Variants in MYO10 observed in about 807,000 individuals in gnomAD.
MYO10 encodes unconventional myosin-X.
In MYO10, 133 loss-of-function variants were observed where a neutral mutation model predicts 257.3. The ratio of observed to expected loss-of-function variants is 0.52; its 90% CI spans 0.45 to 0.60. MYO10 has a LOEUF of 0.60. Ranked by LOEUF, MYO10 falls within the 20% of genes least tolerant of loss-of-function variation. The pLI is 0.00. For missense variants in MYO10, 2,399 were observed against 2,635.7 expected, an observed-to-expected ratio of 0.91 and a Z score of 1.97; for synonymous variants, 1,104 against 1,028.6, an observed-to-expected ratio of 1.07 and a Z score of -1.40.
chr5:16,857,084 G>A lies in MYO10; in HGVS notation c.120+20525C>T, dbSNP rs114658536. On this transcript the variant is annotated intron_variant, in intron 2 of 40. Coordinates refer to ENST00000513610, the MANE Select transcript of MYO10 (RefSeq NM_012334.3). ...AGGTTAGTATATGCACAATCAACTC[G>A]CTTTCTGAAATACTTCGAGGAGGAG... is the stretch of plus-strand genomic sequence containing the variant. Among the ~76,000 whole-genome samples the A allele has an allele frequency of 3.3e-3, 497 of 152,228 alleles. 4 individuals carry two copies. Among genetic ancestry groups the A allele is most frequent in the African/African-American group, 0.011 (467 of 41,536 alleles).
At chr5:16,755,820 A>G (rs1416189018) in intron 18 of MYO10, among the ~76,000 whole-genome samples, 1 of 149,434 alleles carries the variant, frequency 6.7e-6, no homozygotes, top group Non-Finnish European at 1.5e-5. Context: ...GGCTAATCTC[A>G]TTTCGCCTGA....
intron 37 of MYO10, among the ~76,000 whole-genome samples, chr5:16,672,294 C>CAA (rs10684695): frequency 9.8e-5 from 12 of 122,268 alleles, no homozygotes; most frequent in African/African-American, 1.6e-4. Flanking sequence ...GACTCCATCT[C>CAA]AAAAAAAAAA....
At position 16,676,049 on chromosome 5, in the gene MYO10, C is replaced by T. The variant is rs753352020; in HGVS notation, c.4648G>A (p.Gly1550Arg). 14 of 1,609,712 alleles carry T rather than the reference C, an allele frequency of 8.7e-6. No individual in the cohort carries two copies. Among genetic ancestry groups the T allele is most frequent in the Non-Finnish European group, 1.1e-5 (13 of 1,178,600 alleles). The stretch of plus-strand genomic sequence containing the variant: ...GACTTACAGTTGAGATTTATGTCCC[C>T]ATACGGAAGGGGCAGGAGCGGGGAG... The part of the protein sequence containing the change: ...LHSPLLPLPY[G>R]DINLNLLKDK... Residue 1550 changes from glycine (G) to arginine (R), a missense_variant, in exon 34 of 41, where the codon GGG becomes AGG. This residue lies in a region of MYO10 where 1,820 missense variants were observed against 1,939.4 expected (regional missense o/e 0.94). Coordinates refer to ENST00000513610, the MANE Select transcript of MYO10 (RefSeq NM_012334.3).
intron 2 of MYO10, among the ~76,000 whole-genome samples, chr5:16,831,290 C>T (rs1743155006): frequency 6.6e-6 from 1 of 152,044 alleles, no homozygotes. Flanking sequence ...ACAAGTACAA[C>T]CACCATGGAA....
At chr5:16,886,428 A>C (rs1190652051) in intron 1 of MYO10, among the ~76,000 whole-genome samples, 1 of 152,204 alleles carries the variant, frequency 6.6e-6, no homozygotes, top group African/African-American at 2.4e-5. Context: ...TCCCAGGGGA[A>C]AATGTGTTCC....
chr5:16,665,583 T>C lies in MYO10; in HGVS notation c.*1109A>G, dbSNP rs922814215. The C allele has an allele frequency of 6.6e-6, 1 of 152,238 alleles. No individual in the cohort carries two copies. Among genetic ancestry groups the C allele is most frequent in the East Asian group, 1.9e-4 (1 of 5,208 alleles). 9.4% of individuals were successfully genotyped at this position (152,238 alleles called of 1,614,324 possible). A position where few individuals can be genotyped will look rare whatever the true frequency, so the allele number is the denominator to read the frequency against. ...CCTCAGCATTTAATGTCAGGGTCCT[T>C]TGAAGATTCACTCAAGTGTTAAGAC... On this transcript the variant is annotated 3_prime_UTR_variant, in exon 41 of 41. Coordinates refer to ENST00000513610, the MANE Select transcript of MYO10 (RefSeq NM_012334.3).
intron 19 of MYO10, among the ~76,000 whole-genome samples, chr5:16,742,984 G>A (rs1475671532): frequency 6.6e-6 from 1 of 152,128 alleles, no homozygotes; most frequent in Non-Finnish European, 1.5e-5. Context: ...GCCGGGCATG[G>A]TGGTGCATGC....
At chr5:16,916,343 T>C in intron 1 of MYO10, 1 of 271,276 alleles carries the variant, frequency 3.7e-6, no homozygotes, top group South Asian at 3.3e-5. Context: ...AAAGCACACA[T>C]GACACTAAAG....
chr5:16,710,192 T>C (rs2126573967), intron 21 of MYO10, among the ~76,000 whole-genome samples: 1 of 152,348 alleles, frequency 6.6e-6, no homozygotes, highest in Admixed American at 6.5e-5. Flanking sequence ...CCTGCATTTC[T>C]GTGTCAAGTC....
At chr5:16,877,554 G>A (rs1008727038) in intron 2 of MYO10, 55 bp downstream of exon 2, 59 of 1,423,974 alleles carry the variant, frequency 4.1e-5, no homozygotes, top group African/African-American at 7.0e-5. Flanking sequence ...CCCTGGGCAC[G>A]AATAGCTACA....
intron 19 of MYO10, among the ~76,000 whole-genome samples, chr5:16,715,563 G>T (rs1273721923): frequency 9.3e-5 from 1 of 10,808 alleles, no homozygotes; most frequent in African/African-American, 1.6e-4. Context: ...GCCTCCCAAA[G>T]TGCTGGGATT....
chr5:16,667,048 T>A (rs934296558), intron 40 of MYO10, among the ~76,000 whole-genome samples: 3 of 152,206 alleles, frequency 2.0e-5, no homozygotes, highest in Non-Finnish European at 2.9e-5. Context: ...ATGGAAACTG[T>A]CAGACTTTGC....
At chr5:16,712,499 A>G (rs566968330) in intron 19 of MYO10, among the ~76,000 whole-genome samples, 1 of 152,332 alleles carries the variant, frequency 6.6e-6, no homozygotes, top group African/African-American at 2.4e-5. Context: ...TGTGAATACA[A>G]TGACAAAAAA....
rs761301812 is a variant in MYO10, at chr5:16,794,744, C to T, written c.369G>A (p.Arg123=). Residue 123 remains arginine, a synonymous_variant, in exon 4 of 41, where the codon CGG becomes CGA. Transcript: ENST00000513610. ...YEPATMEQYS[R]RHLGELPPHI... is the part of the protein sequence containing the mutation. ...GCGGGGGCAGCTCGCCCAGGTGGCGCCGGCTGTACTGCTCCATGGTGGCAG... is the reference window on the plus strand; with the variant it reads ...GCGGGGGCAGCTCGCCCAGGTGGCGTCGGCTGTACTGCTCCATGGTGGCAG... The T allele has an allele frequency of 3.2e-5, 52 of 1,612,616 alleles. No individual in the cohort carries two copies. The highest frequency in any genetic ancestry group is 1.8e-4 in the Admixed American group (11 of 59,878).
At chr5:16,718,046 G>GCAGC (rs1455079443) in intron 19 of MYO10, among the ~76,000 whole-genome samples, 1 of 152,014 alleles carries the variant, frequency 6.6e-6, no homozygotes, top group Non-Finnish European at 1.5e-5. Flanking sequence ...CGCACTCGGA[G>GCAGC]CAGCCAGCCA....
chr5:16,743,655 A>G (rs1349661923), intron 19 of MYO10, among the ~76,000 whole-genome samples: 1 of 151,984 alleles, frequency 6.6e-6, no homozygotes, highest in Admixed American at 6.6e-5. Flanking sequence ...AAAAAAAAAG[A>G]AACTTCATTC....
chr5:16,830,453 C>T (rs1019354891), intron 2 of MYO10, among the ~76,000 whole-genome samples: 7 of 151,802 alleles, frequency 4.6e-5, no homozygotes, highest in African/African-American at 9.7e-5. Flanking sequence ...GTAATTAGAA[C>T]GCTTTCTTGT....
chr5:16,796,265 A>G (rs949756724), intron 3 of MYO10, among the ~76,000 whole-genome samples: 9 of 145,288 alleles, frequency 6.2e-5, no homozygotes, highest in African/African-American at 2.3e-4. Context: ...GAGAGAGAGA[A>G]AGAAAGAAGG....
chr5:16,761,448 G>A lies in MYO10; in HGVS notation c.1739+16C>T, dbSNP rs766271713. 5.7e-6 allele frequency: 9 copies of A among 1,591,852 alleles called. No homozygotes were observed. The South Asian group carries it at 9.9e-5, about 18-fold the overall frequency. On this transcript the variant is annotated intron_variant, in intron 17 of 40. Transcript: ENST00000513610. ...ATTTGCTTGCTAAGTACTTCTCGGTGAGAAGACTGACATACCGGCTTTCTC... is the reference window on the plus strand; with the variant it reads ...ATTTGCTTGCTAAGTACTTCTCGGTAAGAAGACTGACATACCGGCTTTCTC...
Sources: allele counts gnomAD v4.1 joint callset (sites outside exome capture counted in the v4.1 genomes callset), GRCh38; gene constraint gnomAD v4.1.1; regional missense constraint gnomAD v4.1.1; transcripts MANE v1.5; gene names NCBI Gene and HGNC (gene_info 2026-07-23, HGNC 2026-07-21).